BIVM: variants seen among roughly 807,000 people sequenced by gnomAD.
BIVM encodes basic, immunoglobulin-like variable motif containing.
In BIVM, 31 loss-of-function variants were observed where a neutral mutation model predicts 61.4. That is an observed-to-expected ratio of 0.51 (90% CI 0.38 to 0.68). BIVM has a LOEUF of 0.68. Ranked by LOEUF, BIVM falls within the 30% of genes least tolerant of loss-of-function variation. The pLI is 0.00. For missense variants in BIVM, 526 were observed against 596.0 expected (o/e 0.88, Z 1.22); for synonymous variants, 189 against 210.7 (o/e 0.90, Z 0.89).
Position 102,816,491 on chromosome 13 carries a change from A to T in BIVM, c.542A>T (p.Glu181Val). The T allele has an allele frequency of 6.3e-7, 1 of 1,595,652 alleles. No individual in the cohort carries two copies. The highest frequency in any genetic ancestry group is 1.1e-5 in the South Asian group (1 of 87,408). The change falls in exon 4 of 11, where the codon GAA (glutamate) becomes GTA (valine). Residue 181 changes from glutamate (E) to valine (V), a missense_variant. By Grantham distance (121) the Glu-to-Val change is moderately radical. Transcript: ENST00000257336. ...TSDKKGRYQKECPQHSPLEDI... is the reference protein window; with the variant it reads ...TSDKKGRYQKVCPQHSPLEDI... Reference sequence around the variant, plus strand: ...GATAAAAAGGGAAGATATCAGAAGGAATGTCCTCAGCATTCTCCTCTTGAA... The same window carrying T: ...GATAAAAAGGGAAGATATCAGAAGGTATGTCCTCAGCATTCTCCTCTTGAA...
chr13:102,804,629 T>A (rs1878949072), intron 1 of BIVM, among the ~76,000 whole-genome samples: 1 of 151,896 alleles, frequency 6.6e-6, no homozygotes, highest in South Asian at 2.1e-4. Context: ...CTGGCTAATT[T>A]TTAAATTTTC....
intron 8 of BIVM, among the ~76,000 whole-genome samples, chr13:102,834,247 C>T (rs1189940776): frequency 1.3e-5 from 2 of 152,014 alleles, no homozygotes; most frequent in Non-Finnish European, 2.9e-5. Context: ...CATTTTATAG[C>T]CCTAGATTTT....
chr13:102,821,132 A>C lies in BIVM; in HGVS notation c.701A>C (p.Asn234Thr). 1.2e-6 allele frequency: 2 copies of C among 1,609,102 alleles called. No individual in the cohort carries two copies. Among genetic ancestry groups the C allele is most frequent in the Non-Finnish European group, 1.7e-6 (2 of 1,178,724 alleles). ...NFLYSTMGAG[N>T]LPPITQEEAL... ...TTATACAGCACAATGGGAGCTGGAA[A>C]GTAAGTATGTCAATTTATCAGTACC... The change falls in exon 5 of 11, where the codon AAC (asparagine) becomes ACC (threonine). Residue 234 changes from asparagine (N) to threonine (T), a missense_variant and splice_region_variant. Physicochemically the swap from Asn to Thr is moderately conservative, Grantham distance 65. This residue lies in a region of BIVM where 312 missense variants were observed against 343.8 expected (regional missense o/e 0.91). Transcript: ENST00000257336.
At chr13:102,830,007 TC>T (rs1312771936) in intron 7 of BIVM, among the ~76,000 whole-genome samples, 2 of 152,182 alleles carry the variant, frequency 1.3e-5, no homozygotes, top group African/African-American at 4.8e-5. Flanking sequence ...CACGGGCTGT[TC>T]CCTGAGTATA....
In BIVM at chr13:102,807,147, A is replaced by T; in HGVS notation, c.-121A>T. The T allele has an allele frequency of 9.8e-7, 1 of 1,018,318 alleles. No individual in the cohort carries two copies. Among genetic ancestry groups the T allele is most frequent in the South Asian group, 1.8e-5 (1 of 56,252 alleles). 63.1% of individuals were successfully genotyped at this position (1,018,318 alleles called of 1,614,324 possible). ...ATCATTCTTTTTCCTTCCTCTTAGG[A>T]GCTCATTTTGCAGCTCTCAAGCTTT... On this transcript the variant is annotated splice_region_variant and 5_prime_UTR_variant, in exon 3 of 11. Coordinates refer to ENST00000257336, the MANE Select transcript of BIVM (RefSeq NM_017693.4). The surrounding 1 kb of genome is among the most constrained non-coding windows in gnomAD (Gnocchi z 4.0).
intron 9 of BIVM, among the ~76,000 whole-genome samples, chr13:102,837,416 TA>T (rs1881552652): frequency 1.3e-5 from 2 of 152,248 alleles, no homozygotes; most frequent in African/African-American, 4.8e-5. Flanking sequence ...TGTCTTTTAT[TA>T]AACATTTTTT....
At chr13:102,832,435 C>T (rs960442921) in intron 8 of BIVM, among the ~76,000 whole-genome samples, 14 of 152,210 alleles carry the variant, frequency 9.2e-5, no homozygotes, top group Non-Finnish European at 2.1e-4. Context: ...CTCCTGGCCT[C>T]AAGTGGTCCT....
At chr13:102,801,950 G>A (rs1252502804) in intron 1 of BIVM, among the ~76,000 whole-genome samples, 1 of 152,150 alleles carries the variant, frequency 6.6e-6, no homozygotes, top group Admixed American at 6.5e-5. Flanking sequence ...GAACCAAAAA[G>A]TAATGTGGAG....
At chr13:102,835,431 A>C (rs1881399891) in intron 9 of BIVM, among the ~76,000 whole-genome samples, 2 of 152,188 alleles carry the variant, frequency 1.3e-5, no homozygotes, top group Non-Finnish European at 2.9e-5. Context: ...TCATCACTCC[A>C]GAAAGAAACC....
Position 102,821,769 on chromosome 13 carries a change from C to T in BIVM, c.728C>T (p.Ala243Val). 6.2e-7 allele frequency: 1 copy of T among 1,613,750 alleles called. No individual in the cohort carries two copies. The change falls in exon 6 of 11, where the codon GCT becomes GTT. Residue 243 changes from alanine to valine, a missense_variant. Physicochemically the swap from Ala to Val is moderately conservative, Grantham distance 64. This residue lies in a region of BIVM where 312 missense variants were observed against 343.8 expected (regional missense o/e 0.91). Transcript: ENST00000257336. ...GNLPPITQEE[A>V]LHILGFQPPF... Reference sequence around the variant, plus strand: ...CTTCCACCTATTACCCAAGAAGAAGCTTTACATATTCTGGGCTTTCAACCT... The same window carrying T: ...CTTCCACCTATTACCCAAGAAGAAGTTTTACATATTCTGGGCTTTCAACCT...
chr13:102,818,538 C>T (rs1880030771), intron 4 of BIVM, among the ~76,000 whole-genome samples: 1 of 152,170 alleles, frequency 6.6e-6, no homozygotes. Context: ...TGCTTCTAAT[C>T]ACTTAGATTT....
At position 102,839,975 on chromosome 13, in the gene BIVM, G is replaced by A; in HGVS notation, c.*110G>A. 7.4e-6 allele frequency: 9 copies of A among 1,212,974 alleles called. No individual in the cohort carries two copies. Among genetic ancestry groups the A allele is most frequent in the Non-Finnish European group, 6.8e-6 (6 of 877,096 alleles). The allele number at this position is 1,212,974 out of a possible 1,614,324, so 75.1% of individuals were successfully genotyped here. A position where few individuals can be genotyped will look rare whatever the true frequency, so the allele number is the denominator to read the frequency against. On this transcript the variant is annotated 3_prime_UTR_variant, in exon 11 of 11. Transcript: ENST00000257336. ...CCTACATTAAATAGGAGCAGATCTT[G>A]TGGTATAAAAAATAACCTTGTAGTT...
chr13:102,806,476 C>A (rs1879090036), intron 2 of BIVM, among the ~76,000 whole-genome samples: 1 of 152,160 alleles, frequency 6.6e-6, no homozygotes, highest in African/African-American at 2.4e-5. Flanking sequence ...TCTCGAACTC[C>A]TGACCCCAAG....
Position 102,806,859 on chromosome 13 carries a change from G to A in BIVM, c.-122-287G>A, listed in dbSNP as rs183797089. ...CGGGAGGCGGAGGTTGCGGTGAGCC[G>A]AGATTGTGCCATTGCACTCCAGCCT... On this transcript the variant is annotated intron_variant, in intron 2 of 10. Coordinates refer to ENST00000257336, the MANE Select transcript of BIVM (RefSeq NM_017693.4). Among the ~76,000 whole-genome samples the A allele has an allele frequency of 2.5e-4, 38 of 151,256 alleles. No homozygotes were observed. The East Asian group carries it at 4.1e-3, about 17-fold the overall frequency.
chr13:102,840,589 C>T lies in BIVM; in HGVS notation c.*724C>T, dbSNP rs3204248. 0.24 allele frequency: 35,223 copies of T among 149,844 alleles called. 4,224 individuals are homozygous for T. The highest frequency in any genetic ancestry group is 0.42 in the East Asian group (2,132 of 5,042). The allele number at this position is 149,844 out of a possible 1,614,324, so 9.3% of individuals were successfully genotyped here. A position where few individuals can be genotyped will look rare whatever the true frequency, so the allele number is the denominator to read the frequency against. On this transcript the variant is annotated 3_prime_UTR_variant, in exon 11 of 11. Transcript: ENST00000257336. ...GTCCTAGCTACTCGAGAGGCTGAGG[C>T]AGGAGAATGGCGTGAACCCGGGAGG...
At position 102,813,354 on chromosome 13, in the gene BIVM, A is replaced by G. The variant is rs1188339437; in HGVS notation, c.479-3074A>G. Among the ~76,000 whole-genome samples the G allele has an allele frequency of 5.3e-5, 8 of 152,274 alleles. No homozygotes were observed. In the South Asian group the frequency reaches 1.5e-3, roughly 28 times the overall value. On this transcript the variant is annotated intron_variant, in intron 3 of 10. Coordinates refer to ENST00000257336, the MANE Select transcript of BIVM (RefSeq NM_017693.4). ...CTGAAAGTTACTTTGTTTGATATTA[A>G]TAAAGCTCCTCAGCTTTATTTTGAT...
chr13:102,818,847 C>G (rs1434143211), intron 4 of BIVM, among the ~76,000 whole-genome samples: 1 of 152,140 alleles, frequency 6.6e-6, no homozygotes, highest in East Asian at 1.9e-4. Flanking sequence ...TTTCCCTCTC[C>G]TTTTTAAAAA....
intron 7 of BIVM, among the ~76,000 whole-genome samples, chr13:102,828,764 C>T (rs527727990): frequency 1.3e-5 from 2 of 152,112 alleles, no homozygotes; most frequent in African/African-American, 4.8e-5. Context: ...CATAGTGGCT[C>T]ACGCCTGTAA....
intron 8 of BIVM, among the ~76,000 whole-genome samples, 176 bp downstream of exon 8, chr13:102,831,873 CAAAAA>C (rs67223159): frequency 3.8e-5 from 4 of 105,552 alleles, no homozygotes; most frequent in Non-Finnish European, 3.8e-5. Flanking sequence ...ACTAAAAATA[CAAAAA>C]AAAAAAAAAA....
Sources: gnomAD v4.1 joint callset for allele counts (sites outside exome capture counted in the v4.1 genomes callset) on GRCh38, gnomAD v4.1.1 for gene constraint, gnomAD v4.1.1 regional missense constraint, Gnocchi (gnomAD v3.1) non-coding constraint, MANE v1.5 for transcripts, NCBI Gene and HGNC (gene_info 2026-07-23, HGNC 2026-07-21) for gene names.